Variants in SMTNL2 observed in about 807,000 individuals in gnomAD.
The protein encoded by SMTNL2 is smoothelin-like protein 2.
Under a neutral mutation model 44.1 loss-of-function variants are expected in SMTNL2, and 43 were observed. The observed-to-expected ratio is 0.98, with a 90% confidence interval of 0.76 to 1.26. The LOEUF (loss-of-function observed/expected upper bound fraction) is 1.26. Ranked by LOEUF, SMTNL2 falls within the 50% of genes most tolerant of loss-of-function variation. The pLI is 0.00. For missense variants in SMTNL2, 646 were observed against 670.2 expected (o/e 0.96, Z 0.40); for synonymous variants, 317 against 287.6 (o/e 1.10, Z -1.03).
At chr17:4,586,367 C>G (rs969636788) in intron 1 of SMTNL2, among the ~76,000 whole-genome samples, 2 of 152,186 alleles carry the variant, frequency 1.3e-5, no homozygotes, top group Admixed American at 6.5e-5. Context: ...TGAGCTCACA[C>G]GTGCCTCATC....
rs1284075608 is a variant in SMTNL2 at position 4,593,089 on chromosome 17, A to G, written c.648A>G (p.Leu216=). The G allele has an allele frequency of 6.2e-7, 1 of 1,613,894 alleles. No individual in the cohort carries two copies. Among genetic ancestry groups the G allele is most frequent in the Non-Finnish European group, 8.5e-7 (1 of 1,179,958 alleles). The part of the protein sequence containing the change: ...RFSGETSAAA[L]SPMSAATLGG... ...CTGGGGAGACCTCAGCTGCGGCTCT[A>G]TCACCCATGTCTGCTGCCACCCTGG... The change falls in exon 3 of 8, where the codon CTA becomes CTG. Residue 216 remains leucine (L), a synonymous_variant. Transcript: ENST00000389313.
At chr17:4,589,213 T>G (rs1909462336) in intron 1 of SMTNL2, among the ~76,000 whole-genome samples, 1 of 152,052 alleles carries the variant, frequency 6.6e-6, no homozygotes, top group African/African-American at 2.4e-5. Context: ...GGCTGCAACG[T>G]GCAGGGACAG....
In SMTNL2 at chr17:4,584,912, C is replaced by G. The variant is rs538037200; in HGVS notation, c.307C>G (p.Pro103Ala). Residue 103 changes from proline to alanine, a missense_variant, in exon 1 of 8, where the codon CCG becomes GCG. Coordinates refer to ENST00000389313, the MANE Select transcript of SMTNL2 (RefSeq NM_001114974.2). ...VPGTPGTPSP[P>A]PAPGVPDRAP... ...CGGCACTCCCGGCACGCCCAGCCCC[C>G]CGCCCGCGCCCGGGGTTCCCGACCG... is the stretch of plus-strand genomic sequence containing the variant. The G allele has an allele frequency of 6.9e-4, 895 of 1,292,684 alleles. 14 individuals are homozygous for G. In the African/African-American group the frequency reaches 0.012, roughly 17 times the overall value. 80.1% of individuals were successfully genotyped at this position (1,292,684 alleles called of 1,614,324 possible). A position where few individuals can be genotyped will look rare whatever the true frequency, so the allele number is the denominator to read the frequency against.
At chr17:4,588,189 C>T (rs1287614628) in intron 1 of SMTNL2, among the ~76,000 whole-genome samples, 1 of 152,230 alleles carries the variant, frequency 6.6e-6, no homozygotes, top group Non-Finnish European at 1.5e-5. Flanking sequence ...TAGGATGGGG[C>T]TCTGGCCCTG....
At chr17:4,593,641 T>TG (rs1322523421) in intron 3 of SMTNL2, among the ~76,000 whole-genome samples, 181 bp from the exon 4 acceptor site, 1 of 152,218 alleles carries the variant, frequency 6.6e-6, no homozygotes, top group African/African-American at 2.4e-5. Flanking sequence ...TGTTGCTGTG[T>TG]GTGCCCATCC....
In SMTNL2 at chr17:4,592,545, T is replaced by G; in HGVS notation, c.487+97T>G. 1 of 1,127,730 alleles carries G rather than the reference T, an allele frequency of 8.9e-7. No individual in the cohort carries two copies. Among genetic ancestry groups the G allele is most frequent in the Non-Finnish European group, 1.3e-6 (1 of 791,492 alleles). The allele number at this position is 1,127,730 out of a possible 1,614,324, so 69.9% of individuals were successfully genotyped here. ...TGCCAGGCTGGCCCTTGGCCTGGCA[T>G]CGGGGGGACTCTATCCTGAACCCCA... On this transcript the variant is annotated intron_variant, in intron 2 of 7. Transcript: ENST00000389313. The surrounding 1 kb of genome is among the most constrained non-coding windows in gnomAD (Gnocchi z 4.5).
chr17:4,599,178 C>T (rs1014084736), intron 7 of SMTNL2, among the ~76,000 whole-genome samples: 3 of 152,190 alleles, frequency 2.0e-5, no homozygotes, highest in African/African-American at 4.8e-5. Flanking sequence ...TTGGATGACG[C>T]GCTTGGACTC....
At chr17:4,589,732 T>C (rs538689472) in intron 1 of SMTNL2, among the ~76,000 whole-genome samples, 1 of 152,046 alleles carries the variant, frequency 6.6e-6, no homozygotes, top group Admixed American at 6.5e-5. Context: ...CCCTTTCCCC[T>C]GGCTTCGCTC....
At chr17:4,589,966 TTTTTTTTTTTTTTTTTTTG>T (rs1330922571) in intron 1 of SMTNL2, among the ~76,000 whole-genome samples, 14 of 47,498 alleles carry the variant, frequency 2.9e-4, no homozygotes, top group East Asian at 1.9e-3. Flanking sequence ...TTTTTTTTTT[TTTTTTTTTTTTTTTTTTTG>T]AGACAGAGTC....
intron 1 of SMTNL2, among the ~76,000 whole-genome samples, chr17:4,590,339 G>A (rs990491986): frequency 6.6e-6 from 1 of 151,950 alleles, no homozygotes; most frequent in Non-Finnish European, 1.5e-5. Context: ...CTCCTCCTAC[G>A]TCTCTGGCTG....
intron 7 of SMTNL2, among the ~76,000 whole-genome samples, chr17:4,599,170 G>A (rs1382578617): frequency 6.6e-6 from 1 of 152,172 alleles, no homozygotes; most frequent in Non-Finnish European, 1.5e-5. Context: ...ATGTTGCCTT[G>A]GATGACGCGC....
At chr17:4,603,883 C>T (rs11078522) in intron 7 of SMTNL2, among the ~76,000 whole-genome samples, 25,291 of 151,790 alleles carry the variant, frequency 0.17, 2,890 homozygotes, top group East Asian at 0.56. Context: ...CTCACTCTGT[C>T]GCCCAGGCTG....
chr17:4,608,091 C>G lies in SMTNL2; in HGVS notation c.*604C>G, dbSNP rs1910357896. On this transcript the variant is annotated 3_prime_UTR_variant, in exon 8 of 8. Coordinates refer to ENST00000389313, the MANE Select transcript of SMTNL2 (RefSeq NM_001114974.2). ...CGCTCTCCGGGGAGATGGGAAGGCT[C>G]TCCTCTCGGTCCCAAAGTCCTCCTG... The G allele has an allele frequency of 6.6e-6, 1 of 152,202 alleles. No individual in the cohort carries two copies. The highest frequency in any genetic ancestry group is 1.5e-5 in the Non-Finnish European group (1 of 68,050). The allele number at this position is 152,202 out of a possible 1,614,324, so 9.4% of individuals were successfully genotyped here.
At chr17:4,593,313 C>G in intron 3 of SMTNL2, 142 bp downstream of exon 3, 1 of 1,286,588 alleles carries the variant, frequency 7.8e-7, no homozygotes, top group South Asian at 1.6e-5. Context: ...CCATGTCAGC[C>G]CCTTCCCTTA....
Position 4,598,615 on chromosome 17 carries a change from G to A in SMTNL2, c.1259+1292G>A, listed in dbSNP as rs1361108314. On this transcript the variant is annotated intron_variant, in intron 7 of 7. Coordinates refer to ENST00000389313, the MANE Select transcript of SMTNL2 (RefSeq NM_001114974.2). The surrounding 1 kb of genome is among the most constrained non-coding windows in gnomAD (Gnocchi z 4.8). Reference sequence around the variant, plus strand: ...AAGGCGGGTGGATTGCCTGAGCTCAGGAGTTCGAGACCAGCTTGGGCAACA... The same window carrying A: ...AAGGCGGGTGGATTGCCTGAGCTCAAGAGTTCGAGACCAGCTTGGGCAACA... Among the ~76,000 whole-genome samples, 1 of 152,152 alleles carries A rather than the reference G, an allele frequency of 6.6e-6. No individual in the cohort carries two copies. Among genetic ancestry groups the A allele is most frequent in the Non-Finnish European group, 1.5e-5 (1 of 68,004 alleles).
chr17:4,602,312 T>C lies in SMTNL2; in HGVS notation c.1259+4989T>C, dbSNP rs916375589. On this transcript the variant is annotated intron_variant, in intron 7 of 7. Transcript: ENST00000389313. ...ACAATCTGGGGTGGAAGGCAGGTGCTTTTTTTTTTTTTTTTTTTTTTTTTT... is the reference window on the plus strand; with the variant it reads ...ACAATCTGGGGTGGAAGGCAGGTGCCTTTTTTTTTTTTTTTTTTTTTTTTT... 6.6e-3 allele frequency among the ~76,000 whole-genome samples: 67 copies of C among 10,130 alleles called. 1 individual carries two copies. The South Asian group carries it at 0.12, about 18-fold the overall frequency. 6.6% of individuals were successfully genotyped at this position (10,130 alleles called of 152,430 possible).
At chr17:4,605,758 G>A (rs1191791087) in intron 7 of SMTNL2, among the ~76,000 whole-genome samples, 1 of 152,174 alleles carries the variant, frequency 6.6e-6, no homozygotes, top group Non-Finnish European at 1.5e-5. Flanking sequence ...CGGGCCAAGT[G>A]CGATCGTTTT....
At chr17:4,589,216 A>G (rs1290039179) in intron 1 of SMTNL2, among the ~76,000 whole-genome samples, 2 of 151,968 alleles carry the variant, frequency 1.3e-5, no homozygotes, top group African/African-American at 2.4e-5. Flanking sequence ...TGCAACGTGC[A>G]GGGACAGGCA....
chr17:4,606,585 A>T (rs1224776246), intron 7 of SMTNL2, among the ~76,000 whole-genome samples: 1 of 151,534 alleles, frequency 6.6e-6, no homozygotes, highest in African/African-American at 2.4e-5. Context: ...ACATAGTGAG[A>T]CCCCATCTCT....
Sources: gnomAD v4.1 joint callset for allele counts (sites outside exome capture counted in the v4.1 genomes callset) on GRCh38, gnomAD v4.1.1 for gene constraint, Gnocchi (gnomAD v3.1) non-coding constraint, MANE v1.5 for transcripts, NCBI Gene and HGNC (gene_info 2026-07-23, HGNC 2026-07-21) for gene names.